The following IL1RAPL1 variants were observed in gnomAD, a reference collection of about 807,000 sequenced individuals.
IL1RAPL1 encodes the protein interleukin 1 receptor accessory protein like 1.
A neutral mutation model predicts 48.4 loss-of-function variants in IL1RAPL1; 3 were observed. That is an observed-to-expected ratio of 0.06 (90% CI 0.03 to 0.16). The LOEUF is 0.16. Among genes scored for constraint, IL1RAPL1 ranks in the 10% least tolerant of loss-of-function variants. IL1RAPL1 has a pLI of 1.00. For missense variants in IL1RAPL1, 349 were observed against 530.6 expected (o/e 0.66, Z 3.36); for synonymous variants, 185 against 187.7 (o/e 0.99, Z 0.12).
intron 5 of IL1RAPL1, among the ~76,000 whole-genome samples, chrX:29,653,804 A>G (rs970866581): frequency 9.0e-6 from 1 of 111,237 alleles, no homozygotes; most frequent in Non-Finnish European, 1.9e-5. Context: ...ATGAATCATA[A>G]CAATTAGTAT....
At chrX:29,942,712 C>T (rs759210646) in intron 9 of IL1RAPL1, among the ~76,000 whole-genome samples, 13 of 108,843 alleles carry the variant, frequency 1.2e-4, no homozygotes, top group Admixed American at 3.0e-4. Flanking sequence ...CTCCGCCTCC[C>T]GGGTTCAAGC....
At chrX:29,745,468 T>TA (rs2147138117) in intron 6 of IL1RAPL1, among the ~76,000 whole-genome samples, 1 of 77,843 alleles carries the variant, frequency 1.3e-5, no homozygotes, top group South Asian at 7.9e-4. Context: ...TTTGGTGAGA[T>TA]ACAGTTTAGC....
chrX:29,522,464 A>G (rs1301965687), intron 5 of IL1RAPL1, among the ~76,000 whole-genome samples: 1 of 112,006 alleles, frequency 8.9e-6, no homozygotes, highest in African/African-American at 3.2e-5. Flanking sequence ...CCTGGCCTTG[A>G]TCATTCATTT....
At chrX:28,707,236 T>G (rs1238501090) in intron 1 of IL1RAPL1, among the ~76,000 whole-genome samples, 1 of 112,219 alleles carries the variant, frequency 8.9e-6, no homozygotes. Context: ...GGGTAAGCCC[T>G]CCATGCTGAG....
intron 5 of IL1RAPL1, among the ~76,000 whole-genome samples, chrX:29,421,619 C>A (rs896630286): frequency 1.8e-5 from 2 of 110,699 alleles, no homozygotes; most frequent in Non-Finnish European, 3.8e-5. Context: ...AAAAAAAAAT[C>A]TCTGGTCTGG....
At chrX:29,596,004 G>C (rs1569122282) in intron 5 of IL1RAPL1, among the ~76,000 whole-genome samples, 1 of 111,059 alleles carries the variant, frequency 9.0e-6, no homozygotes, top group African/African-American at 3.3e-5. Context: ...CCTTTCCCCA[G>C]TTTATAAAAG....
chrX:29,926,723 T>C (rs1406699034), intron 8 of IL1RAPL1, among the ~76,000 whole-genome samples: 1 of 111,595 alleles, frequency 9.0e-6, no homozygotes, highest in Non-Finnish European at 1.9e-5. Flanking sequence ...CGTTTAGCAG[T>C]ACTCCTAGCC....
intron 2 of IL1RAPL1, among the ~76,000 whole-genome samples, chrX:29,174,754 T>A (rs1034868158): frequency 4.5e-5 from 5 of 111,543 alleles, no homozygotes; most frequent in African/African-American, 1.6e-4. Flanking sequence ...TGGATAAAGT[T>A]CTATAGTAAG....
chrX:28,892,131 C>T (rs913222304), intron 2 of IL1RAPL1, among the ~76,000 whole-genome samples: 1 of 110,447 alleles, frequency 9.1e-6, no homozygotes, highest in African/African-American at 3.3e-5. Flanking sequence ...CACTCGCGTC[C>T]GAGTGAAGAG....
chrX:29,879,878 G>C (rs755275572), intron 6 of IL1RAPL1, among the ~76,000 whole-genome samples: 1 of 110,648 alleles, frequency 9.0e-6, no homozygotes, highest in Non-Finnish European at 1.9e-5. Flanking sequence ...GACAAGTTCC[G>C]TAAGTGTAAA....
intron 2 of IL1RAPL1, among the ~76,000 whole-genome samples, chrX:28,831,933 G>A (rs1165589126): frequency 9.0e-6 from 1 of 110,798 alleles, no homozygotes; most frequent in African/African-American, 3.3e-5. Context: ...TTACAATAGT[G>A]CTTCATATGC....
At chrX:29,854,359 C>T (rs373496310) in intron 6 of IL1RAPL1, among the ~76,000 whole-genome samples, 7 of 111,881 alleles carry the variant, frequency 6.3e-5, no homozygotes, top group East Asian at 5.6e-4. Context: ...ATTTAACTTA[C>T]GGAGACAGGG....
At chrX:28,938,475 A>T in intron 2 of IL1RAPL1, among the ~76,000 whole-genome samples, 1 of 23,640 alleles carries the variant, frequency 4.2e-5, no homozygotes, top group East Asian at 4.2e-3. Context: ...CCACATCCAG[A>T]AGATTGAAAC....
chrX:29,332,872 G>T (rs1932902708), intron 3 of IL1RAPL1, among the ~76,000 whole-genome samples: 2 of 109,627 alleles, frequency 1.8e-5, no homozygotes, highest in South Asian at 7.9e-4. Flanking sequence ...CTGCCTTCAA[G>T]CATCTGTTTA....
intron 6 of IL1RAPL1, among the ~76,000 whole-genome samples, chrX:29,879,206 T>A (rs979479686): frequency 4.5e-5 from 5 of 110,790 alleles, no homozygotes; most frequent in Non-Finnish European, 9.5e-5. Context: ...CAGGAAAAGA[T>A]AAAACTATAG....
Position 29,736,275 on chromosome X carries a change from A to G in IL1RAPL1, c.778+67771A>G, listed in dbSNP as rs1205360586. 4.5e-5 allele frequency among the ~76,000 whole-genome samples: 5 copies of G among 112,329 alleles called. No homozygotes were observed. In the East Asian group the frequency reaches 1.1e-3, roughly 25 times the overall value. On this transcript the variant is annotated intron_variant, in intron 6 of 10. Transcript: ENST00000378993. ...CTTGTTGTCACATGTCTGTAATGCC[A>G]GCTACTCAGGAAGCTGAGGCAGGAG... is the stretch of plus-strand genomic sequence containing the variant.
intron 5 of IL1RAPL1, among the ~76,000 whole-genome samples, chrX:29,441,616 C>T (rs1602236593): frequency 8.9e-6 from 1 of 111,817 alleles, no homozygotes; most frequent in East Asian, 2.8e-4. Context: ...TTTCCTGTTG[C>T]GGTGGATATT....
chrX:28,858,825 A>G lies in IL1RAPL1; in HGVS notation c.82+69400A>G, dbSNP rs1305823319. The stretch of plus-strand genomic sequence containing the variant: ...CAGCACATGGTGATAACGGAAAGCA[A>G]TTGACTTTAAGTGAATTTTATTATT... On this transcript the variant is annotated intron_variant, in intron 2 of 10. Transcript: ENST00000378993. Among the ~76,000 whole-genome samples, 10 of 112,346 alleles carry G rather than the reference A, an allele frequency of 8.9e-5. No individual in the cohort carries two copies. In the Admixed American group the frequency reaches 9.5e-4, roughly 11 times the overall value.
chrX:29,830,384 T>G (rs1930845988), intron 6 of IL1RAPL1, among the ~76,000 whole-genome samples: 1 of 111,502 alleles, frequency 9.0e-6, no homozygotes, highest in Admixed American at 9.5e-5. Flanking sequence ...ATTTGTTCTT[T>G]AAATATATTT....
Sources: allele counts gnomAD v4.1 joint callset (sites outside exome capture counted in the v4.1 genomes callset), GRCh38; gene constraint gnomAD v4.1.1; transcripts MANE v1.5; gene names NCBI Gene and HGNC (gene_info 2026-07-23, HGNC 2026-07-21).